ZNF184: variants seen among roughly 807,000 people sequenced by gnomAD.
The protein encoded by ZNF184 is zinc finger protein 184 (Kruppel-like).
A neutral mutation model predicts 54.4 loss-of-function variants in ZNF184; 16 were observed. The ratio of observed to expected loss-of-function variants is 0.29; its 90% CI spans 0.20 to 0.45. The LOEUF (loss-of-function observed/expected upper bound fraction) is 0.45. Ranked by LOEUF, ZNF184 falls within the 20% of genes least tolerant of loss-of-function variation. The probability of loss-of-function intolerance (pLI) is 1.00; values close to 1 mark genes in which losing one functional copy is unlikely to be tolerated. For synonymous variants in ZNF184, 254 were observed against 295.3 expected (o/e 0.86, Z 1.43); for missense variants, 681 against 888.2 (o/e 0.77, Z 2.97).
the ZNF184 span, among the ~76,000 whole-genome samples, chr6:27,438,345 TTAAA>T: frequency 2.5e-3 from 385 of 152,298 alleles, 1 homozygote; most frequent in African/African-American, 8.3e-3. Context: ...TAAACATTTG[TTAAA>T]TAAATAAGAA....
the ZNF184 span, among the ~76,000 whole-genome samples, chr6:27,427,156 T>A: frequency 6.9e-6 from 1 of 145,906 alleles, no homozygotes; most frequent in African/African-American, 2.5e-5. Flanking sequence ...CAAGAAAGTG[T>A]ATTTATATTT....
intron 3 of ZNF184, among the ~76,000 whole-genome samples, chr6:27,458,295 TAAAA>T (rs55966783): frequency 6.1e-4 from 38 of 62,374 alleles, no homozygotes; most frequent in Middle Eastern, 9.8e-3. Context: ...TTCTGCACAG[TAAAA>T]AAAAAAAAAA....
the ZNF184 span, among the ~76,000 whole-genome samples, chr6:27,410,327 C>T: frequency 2.6e-5 from 4 of 152,102 alleles, no homozygotes; most frequent in African/African-American, 9.7e-5. Context: ...TAAGCTGGAT[C>T]CTAGCAGATC....
At chr6:27,437,885 G>C in the ZNF184 span, among the ~76,000 whole-genome samples, 1 of 152,126 alleles carries the variant, frequency 6.6e-6, no homozygotes, top group Non-Finnish European at 1.5e-5. Flanking sequence ...TTCTCTGTAG[G>C]AATAATTATC....
chr6:27,447,690 G>A (rs985955847), downstream of ZNF184, among the ~76,000 whole-genome samples: 1 of 152,132 alleles, frequency 6.6e-6, no homozygotes, highest in African/African-American at 2.4e-5. Context: ...TCCAGCCTGG[G>A]TGACAAGAGT....
chr6:27,436,973 G>T, the ZNF184 span, among the ~76,000 whole-genome samples: 1 of 152,158 alleles, frequency 6.6e-6, no homozygotes, highest in African/African-American at 2.4e-5. Flanking sequence ...GAAGATCATA[G>T]TTTTCACAAA....
chr6:27,445,214 G>T, the ZNF184 span, among the ~76,000 whole-genome samples: 1 of 152,174 alleles, frequency 6.6e-6, no homozygotes, highest in Non-Finnish European at 1.5e-5. Flanking sequence ...ATGCCTGTCT[G>T]CAGCAAAGTG....
chr6:27,460,608 C>CAA (rs1762971907), intron 3 of ZNF184, among the ~76,000 whole-genome samples: 1 of 152,110 alleles, frequency 6.6e-6, no homozygotes, highest in Non-Finnish European at 1.5e-5. Flanking sequence ...GCTGAGGAGA[C>CAA]AAAGTTGAAA....
chr6:27,430,921 A>G, the ZNF184 span, among the ~76,000 whole-genome samples: 1 of 152,174 alleles, frequency 6.6e-6, no homozygotes, highest in Non-Finnish European at 1.5e-5. Flanking sequence ...GACTCTGCCA[A>G]GAGATGCAGT....
the ZNF184 span, among the ~76,000 whole-genome samples, chr6:27,409,223 G>A: frequency 6.6e-6 from 1 of 152,148 alleles, no homozygotes; most frequent in Non-Finnish European, 1.5e-5. Flanking sequence ...ACATGGCTGA[G>A]CGCAGGTGGC....
chr6:27,429,565 A>C, the ZNF184 span, among the ~76,000 whole-genome samples: 1 of 152,116 alleles, frequency 6.6e-6, no homozygotes, highest in African/African-American at 2.4e-5. Flanking sequence ...GGTGCCCCCA[A>C]CCTGAAGGTT....
In ZNF184 at chr6:27,456,839, T is replaced by C. The variant is rs773868518; in HGVS notation, c.285A>G (p.Val95=). The C allele has an allele frequency of 2.5e-6, 4 of 1,614,136 alleles. No individual in the cohort carries two copies. In the South Asian group the frequency reaches 4.4e-5, roughly 18 times the overall value. Residue 95 remains valine (V), a synonymous_variant, in exon 5 of 6, where the codon GTA becomes GTG. Coordinates refer to ENST00000683788, the MANE Select transcript of ZNF184 (RefSeq NM_001318891.2). ...EPWIMEPSIP[V]GTCADWETRL... is the part of the protein sequence containing the mutation. The stretch of plus-strand genomic sequence containing the variant: ...TCCATGACTTACCTGCACAGGTACC[T>C]ACTGGAATGCTTGGCTCCATGATCC...
At chr6:27,456,758 T>A in intron 5 of ZNF184, 68 bp downstream of exon 5, 1 of 1,366,332 alleles carries the variant, frequency 7.3e-7, no homozygotes, top group South Asian at 1.2e-5. Context: ...ACTTCAGACA[T>A]AAAATCCTCT....
At chr6:27,422,253 C>T in the ZNF184 span, among the ~76,000 whole-genome samples, 1 of 146,348 alleles carries the variant, frequency 6.8e-6, no homozygotes, top group East Asian at 2.0e-4. Context: ...CTGGCACATA[C>T]AGCAGAGTCT....
chr6:27,459,281 T>C (rs1340374655), intron 3 of ZNF184, among the ~76,000 whole-genome samples: 1 of 152,182 alleles, frequency 6.6e-6, no homozygotes, highest in Non-Finnish European at 1.5e-5. Flanking sequence ...GTGATGGATA[T>C]GCTAATTATC....
At position 27,452,930 on chromosome 6, in the gene ZNF184, T is replaced by C; in HGVS notation, c.629A>G (p.Lys210Arg). ...PEETSTKRSI[K>R]QNSNPVKKEK... ...TTTTTTAACTGGGTTTGAATTCTGT[T>C]TGATGCTTCTTTTAGTAGAGGTCTC... The change falls in exon 6 of 6, where the codon AAA (lysine) becomes AGA (arginine). Residue 210 changes from lysine (K) to arginine (R), a missense_variant. Lys to Arg is a conservative substitution (Grantham distance 26). Coordinates refer to ENST00000683788, the MANE Select transcript of ZNF184 (RefSeq NM_001318891.2). The surrounding 1 kb of genome is among the most constrained non-coding windows in gnomAD (Gnocchi z 5.5). 1 of 1,614,208 alleles carries C rather than the reference T, an allele frequency of 6.2e-7. No homozygotes were observed. Among genetic ancestry groups the C allele is most frequent in the Non-Finnish European group, 8.5e-7 (1 of 1,180,014 alleles).
At chr6:27,433,595 C>T in the ZNF184 span, among the ~76,000 whole-genome samples, 14 of 152,302 alleles carry the variant, frequency 9.2e-5, no homozygotes, top group Non-Finnish European at 1.9e-4. Flanking sequence ...ACCATATTTG[C>T]CCTTTTGTGT....
At chr6:27,463,072 A>AG (rs1763038696) in intron 3 of ZNF184, among the ~76,000 whole-genome samples, 1 of 17,704 alleles carries the variant, frequency 5.6e-5, no homozygotes, top group African/African-American at 1.3e-4. Flanking sequence ...AAAAAAAAAA[A>AG]AGAGAGAACA....
At chr6:27,431,171 C>T in the ZNF184 span, among the ~76,000 whole-genome samples, 1 of 152,214 alleles carries the variant, frequency 6.6e-6, no homozygotes, top group Non-Finnish European at 1.5e-5. Context: ...TTCCAGATTT[C>T]CCTTGGCCCT....
Sources: gnomAD v4.1 joint callset for allele counts (sites outside exome capture counted in the v4.1 genomes callset) on GRCh38, gnomAD v4.1.1 for gene constraint, Gnocchi (gnomAD v3.1) non-coding constraint, MANE v1.5 for transcripts, NCBI Gene and HGNC (gene_info 2026-07-23, HGNC 2026-07-21) for gene names.